Variants in ANKRD26 observed in about 807,000 individuals in gnomAD.
ANKRD26 encodes the protein ankyrin repeat domain 26.
ANKRD26 carries 141 observed loss-of-function variants against 208.7 expected under a neutral mutation model. That is an observed-to-expected ratio of 0.68 (90% CI 0.59 to 0.78). ANKRD26 has a LOEUF of 0.78. Among genes scored for constraint, ANKRD26 ranks in the 30% least tolerant of loss-of-function variants. The pLI, the probability that ANKRD26 is intolerant of heterozygous loss-of-function variation, is 0.00. For missense variants in ANKRD26, 1,889 were observed against 1,938.7 expected (o/e 0.97, Z 0.48); for synonymous variants, 636 against 660.4 (o/e 0.96, Z 0.57).
At chr10:26,977,955 CA>C (rs1485731540) in intron 5 of ANKRD26, among the ~76,000 whole-genome samples, 3 of 152,086 alleles carry the variant, frequency 2.0e-5, no homozygotes, top group African/African-American at 7.2e-5. Flanking sequence ...ACAAAAAAAA[CA>C]GGCTCCCAAA....
intron 21 of ANKRD26, among the ~76,000 whole-genome samples, chr10:27,039,420 C>T (rs141613753): frequency 0.095 from 14,331 of 150,798 alleles, 2,198 homozygotes; most frequent in African/African-American, 0.33. Context: ...CGCCACTGCA[C>T]TCCAGCCTGG....
intron 5 of ANKRD26, among the ~76,000 whole-genome samples, chr10:26,992,851 G>A (rs750288437): frequency 3.9e-5 from 6 of 152,096 alleles, no homozygotes; most frequent in Admixed American, 6.6e-5. Context: ...CATAAGTTAA[G>A]TTATATTATT....
intron 1 of ANKRD26, among the ~76,000 whole-genome samples, chr10:27,094,256 T>C (rs767816408): frequency 6.6e-6 from 1 of 152,230 alleles, no homozygotes; most frequent in Non-Finnish European, 1.5e-5. Flanking sequence ...AAAGGGTATG[T>C]CTTTATTAGC....
intron 9 of ANKRD26, among the ~76,000 whole-genome samples, chr10:27,069,692 G>A (rs1317909886): frequency 6.6e-6 from 1 of 152,044 alleles, no homozygotes; most frequent in Non-Finnish European, 1.5e-5. Flanking sequence ...ATGGTCTTAA[G>A]TAGATAAATA....
intron 3 of ANKRD26, among the ~76,000 whole-genome samples, 170 bp from the exon 4 acceptor site, chr10:27,092,682 T>A (rs1427140311): frequency 2.0e-5 from 3 of 152,172 alleles, no homozygotes; most frequent in Non-Finnish European, 4.4e-5. Context: ...TGAACTCCAC[T>A]CATCTCCAAA....
intron 28 of ANKRD26, among the ~76,000 whole-genome samples, chr10:27,024,009 A>ACACACACACACACAC (rs1554775241): frequency 6.7e-5 from 3 of 45,082 alleles, no homozygotes; most frequent in Non-Finnish European, 1.4e-4. Context: ...CACACACACA[A>ACACACACACACACAC]AGAGGCAGAA....
chr10:27,005,582 C>A lies in ANKRD26; in HGVS notation c.*8G>T, dbSNP rs886046943. 2 of 1,606,060 alleles carry A rather than the reference C, an allele frequency of 1.2e-6. No individual in the cohort carries two copies. Among genetic ancestry groups the A allele is most frequent in the Non-Finnish European group, 1.7e-6 (2 of 1,174,014 alleles). ...CACATAAACAGCCCAGTAATAAAATCTTATCTTTCAGATCATATAATTTTT... is the reference window on the plus strand; with the variant it reads ...CACATAAACAGCCCAGTAATAAAATATTATCTTTCAGATCATATAATTTTT... On this transcript the variant is annotated 3_prime_UTR_variant, in exon 34 of 34. Transcript: ENST00000376087.
At chr10:27,074,378 G>T (rs1279547621) in intron 9 of ANKRD26, among the ~76,000 whole-genome samples, 1 of 152,112 alleles carries the variant, frequency 6.6e-6, no homozygotes, top group African/African-American at 2.4e-5. Context: ...CACATTTAGG[G>T]AACTACAAAA....
chr10:27,042,895 G>A (rs1438441208), intron 20 of ANKRD26, among the ~76,000 whole-genome samples: 5 of 149,042 alleles, frequency 3.4e-5, no homozygotes, highest in Non-Finnish European at 5.9e-5. Context: ...GAACCCGGGA[G>A]GTGGAGGTTG....
intron 30 of ANKRD26, among the ~76,000 whole-genome samples, chr10:27,015,490 T>C (rs142188218): frequency 1.3e-3 from 205 of 152,394 alleles, no homozygotes; most frequent in African/African-American, 4.6e-3. Flanking sequence ...CACTGGCTTA[T>C]CACTAAGATT....
intron 20 of ANKRD26, among the ~76,000 whole-genome samples, chr10:27,042,564 T>C (rs193294326): frequency 8.3e-4 from 127 of 152,150 alleles, no homozygotes; most frequent in African/African-American, 2.8e-3. Context: ...CCATCCTGGC[T>C]AACACGGTGA....
chr10:27,008,417 A>G (rs553048829), intron 32 of ANKRD26, among the ~76,000 whole-genome samples: 1 of 152,024 alleles, frequency 6.6e-6, no homozygotes, highest in East Asian at 1.9e-4. Context: ...AAATAAAAGG[A>G]GAAGTCTTTA....
In ANKRD26 at chr10:27,035,310, T is replaced by G; in HGVS notation, c.3140A>C (p.Lys1047Thr). 6.2e-7 allele frequency: 1 copy of G among 1,613,910 alleles called. No individual in the cohort carries two copies. The highest frequency in any genetic ancestry group is 8.5e-7 in the Non-Finnish European group (1 of 1,179,896). Residue 1047 changes from lysine (K) to threonine (T), a missense_variant, in exon 24 of 34, where the codon AAA becomes ACA. Around this residue, in one of 3 missense-constraint regions of ANKRD26, gnomAD observed 1,272 missense variants for 1,273.8 expected, o/e 1.00. Transcript: ENST00000376087. The stretch of plus-strand genomic sequence containing the variant: ...TAGGTTAGACACATCAAAATTCATT[T>G]TGTCCTGTAAACGAGAACATTCATC... ...ARDECSRLQD[K>T]MNFDVSNLKD...
At chr10:27,056,796 T>C (rs930022824) in intron 15 of ANKRD26, among the ~76,000 whole-genome samples, 4 of 151,980 alleles carry the variant, frequency 2.6e-5, no homozygotes, top group Admixed American at 2.6e-4. Flanking sequence ...AAATAAAAAA[T>C]AAAAGTCATA....
At chr10:26,994,366 T>A (rs946838830) in intron 5 of ANKRD26, among the ~76,000 whole-genome samples, 8 of 152,188 alleles carry the variant, frequency 5.3e-5, no homozygotes, top group Non-Finnish European at 1.0e-4. Context: ...CACCAGGATA[T>A]CATTTTCTCT....
the ANKRD26 span, among the ~76,000 whole-genome samples, chr10:26,949,811 T>C: frequency 6.6e-6 from 1 of 152,206 alleles, no homozygotes; most frequent in Non-Finnish European, 1.5e-5. Context: ...CCTCTTATAG[T>C]TATTTTAATT....
At chr10:27,063,449 T>G (rs917377910) in intron 12 of ANKRD26, among the ~76,000 whole-genome samples, 4 of 152,078 alleles carry the variant, frequency 2.6e-5, no homozygotes, top group Non-Finnish European at 4.4e-5. Flanking sequence ...GCCTCCCAAG[T>G]AGCTGGAATT....
At chr10:26,952,588 G>A in the ANKRD26 span, among the ~76,000 whole-genome samples, 57 of 151,902 alleles carry the variant, frequency 3.8e-4, no homozygotes, top group African/African-American at 1.2e-3. Context: ...CCAAGCTTGC[G>A]CCACTGCACA....
At chr10:27,051,528 T>C (rs1365132757) in intron 16 of ANKRD26, 1 of 984,924 alleles carries the variant, frequency 1.0e-6, no homozygotes, top group Non-Finnish European at 1.2e-6. Flanking sequence ...TACTTTTTTA[T>C]TTTCTGTATC....
Sources: allele counts gnomAD v4.1 joint callset (sites outside exome capture counted in the v4.1 genomes callset), GRCh38; gene constraint gnomAD v4.1.1; regional missense constraint gnomAD v4.1.1; transcripts MANE v1.5; gene names NCBI Gene and HGNC (gene_info 2026-07-23, HGNC 2026-07-21).